The following EPS15 variants were observed in gnomAD, a reference collection of about 807,000 sequenced individuals.
EPS15 encodes the protein epidermal growth factor receptor substrate 15.
EPS15 carries 72 observed loss-of-function variants against 113.8 expected under a neutral mutation model. That is an observed-to-expected ratio of 0.63 (90% CI 0.52 to 0.77). The LOEUF (loss-of-function observed/expected upper bound fraction) is 0.77. EPS15 is among the 30% of genes least tolerant of loss of function. EPS15 has a pLI of 0.00. For synonymous variants in EPS15, 344 were observed against 363.4 expected, an observed-to-expected ratio of 0.95 and a Z score of 0.61; for missense variants, 1,048 against 1,045.8, an observed-to-expected ratio of 1.00 and a Z score of -0.03.
At chr1:51,469,116 C>T (rs150090654) in intron 4 of EPS15, among the ~76,000 whole-genome samples, 3 of 149,962 alleles carry the variant, frequency 2.0e-5, no homozygotes, top group East Asian at 3.9e-4. Context: ...GGTGACAGAG[C>T]GAGACTGTCT....
chr1:51,365,625 C>G (rs1646491334), intron 22 of EPS15, among the ~76,000 whole-genome samples: 1 of 152,144 alleles, frequency 6.6e-6, no homozygotes, highest in African/African-American at 2.4e-5. Context: ...GATTTTACAC[C>G]TATTGACCCA....
intron 24 of EPS15, among the ~76,000 whole-genome samples, chr1:51,358,366 AACACTCATAATT>A (rs1286957976): frequency 6.6e-6 from 1 of 152,210 alleles, no homozygotes; most frequent in East Asian, 1.9e-4. Context: ...ATAAAATCTT[AACACTCATAATT>A]ATTATGTTGG....
intron 1 of EPS15, among the ~76,000 whole-genome samples, chr1:51,506,812 C>CAGAATGTAGAGAACAAACTA (rs1216664656): frequency 1.4e-5 from 2 of 148,004 alleles, no homozygotes; most frequent in African/African-American, 2.5e-5. Context: ...CAGAACAGAA[C>CAGAATGTAGAGAACAAACTA]AGAATGTAGA....
At chr1:51,511,502 C>T (rs1349560991) in intron 1 of EPS15, among the ~76,000 whole-genome samples, 1 of 152,042 alleles carries the variant, frequency 6.6e-6, no homozygotes, top group African/African-American at 2.4e-5. Context: ...CTCAAAAGTA[C>T]TAAAACTTTA....
At chr1:51,459,891 A>G (rs1469572353) in intron 8 of EPS15, among the ~76,000 whole-genome samples, 1 of 152,182 alleles carries the variant, frequency 6.6e-6, no homozygotes, top group African/African-American at 2.4e-5. Flanking sequence ...AATGATTTCA[A>G]TATTAAAGAT....
At chr1:51,442,486 A>G (rs983194819) in intron 11 of EPS15, among the ~76,000 whole-genome samples, 9 of 152,144 alleles carry the variant, frequency 5.9e-5, no homozygotes, top group African/African-American at 1.4e-4. Flanking sequence ...AGAAAGTGAC[A>G]CCCCAGATAC....
chr1:51,448,198 G>T, intron 8 of EPS15, 63 bp from the exon 9 acceptor site: 1 of 926,316 alleles, frequency 1.1e-6, no homozygotes, highest in Non-Finnish European at 1.7e-6. Flanking sequence ...CCACTGAATT[G>T]ATTATTGTTC....
At chr1:51,381,597 T>A (rs1646943451) in intron 21 of EPS15, among the ~76,000 whole-genome samples, 1 of 151,824 alleles carries the variant, frequency 6.6e-6, no homozygotes, top group South Asian at 2.1e-4. Flanking sequence ...TATCTCAAAA[T>A]AAAAATAATA....
intron 8 of EPS15, among the ~76,000 whole-genome samples, chr1:51,454,356 T>C (rs752484856): frequency 6.6e-6 from 1 of 152,120 alleles, no homozygotes; most frequent in East Asian, 1.9e-4. Context: ...AAAAAGGGCA[T>C]GAGTCTATAC....
rs1415630206 is a variant in EPS15 at position 51,372,310 on chromosome 1, T to G, written c.2120-6281A>C. Reference sequence around the variant, plus strand: ...AAGGCAGTGGTCCACCTTCCGGTGCTGCTCAGTGTGGTGGATCATTTCAAC... The same window carrying G: ...AAGGCAGTGGTCCACCTTCCGGTGCGGCTCAGTGTGGTGGATCATTTCAAC... On this transcript the variant is annotated intron_variant, in intron 21 of 24. Transcript: ENST00000371733. 4 of 521,810 alleles carry G rather than the reference T, an allele frequency of 7.7e-6. No individual in the cohort carries two copies. In the East Asian group the frequency reaches 2.3e-4, roughly 29 times the overall value. The allele number at this position is 521,810 out of a possible 1,614,324, so 32.3% of individuals were successfully genotyped here. A position where few individuals can be genotyped will look rare whatever the true frequency, so the allele number is the denominator to read the frequency against.
At chr1:51,496,019 C>T (rs1253210462) in intron 1 of EPS15, among the ~76,000 whole-genome samples, 3 of 152,210 alleles carry the variant, frequency 2.0e-5, no homozygotes, top group Admixed American at 6.5e-5. Flanking sequence ...TTAAATAGCA[C>T]ATTTTAAAAT....
chr1:51,400,661 C>T (rs1383051335), intron 19 of EPS15, among the ~76,000 whole-genome samples: 1 of 135,008 alleles, frequency 7.4e-6, no homozygotes, highest in African/African-American at 2.9e-5. Context: ...CACACCACTG[C>T]ATTCCAGCCT....
At chr1:51,515,833 C>T (rs1231754428) in intron 1 of EPS15, among the ~76,000 whole-genome samples, 2 of 152,174 alleles carry the variant, frequency 1.3e-5, no homozygotes, top group African/African-American at 2.4e-5. Flanking sequence ...TGGTTCAAAT[C>T]GTAGATTCAC....
chr1:51,440,866 G>A lies in EPS15; in HGVS notation c.955-434C>T, dbSNP rs1415606193. On this transcript the variant is annotated intron_variant, in intron 11 of 24. Transcript: ENST00000371733. ...ACACACAAATTTTTGTTGAATCTCA[G>A]ACCTACAGTAGTGGTTGATTTTATT... Among the ~76,000 whole-genome samples the A allele has an allele frequency of 2.0e-5, 3 of 152,076 alleles. No individual in the cohort carries two copies. The East Asian group carries it at 5.8e-4, about 29-fold the overall frequency.
intron 20 of EPS15, among the ~76,000 whole-genome samples, chr1:51,395,069 T>A (rs921334518): frequency 2.2e-4 from 33 of 152,246 alleles, no homozygotes; most frequent in African/African-American, 7.5e-4. Context: ...AGGGTCTTGC[T>A]ATGTTTTCCT....
chr1:51,514,177 A>C (rs534018122), intron 1 of EPS15, among the ~76,000 whole-genome samples: 1 of 152,300 alleles, frequency 6.6e-6, no homozygotes, highest in South Asian at 2.1e-4. Context: ...ATTATTAAAA[A>C]CACCTAATAA....
intron 21 of EPS15, among the ~76,000 whole-genome samples, chr1:51,392,875 A>T (rs1299537374): frequency 6.6e-6 from 1 of 152,116 alleles, no homozygotes; most frequent in Non-Finnish European, 1.5e-5. Context: ...TTAACCTTTC[A>T]TTTTATTCTC....
At chr1:51,504,562 A>AT in intron 1 of EPS15, among the ~76,000 whole-genome samples, 1 of 152,348 alleles carries the variant, frequency 6.6e-6, no homozygotes, top group Admixed American at 6.5e-5. Flanking sequence ...TTACAACTCA[A>AT]TAATAAAAAG....
chr1:51,505,752 C>CT (rs1046403009), intron 1 of EPS15, among the ~76,000 whole-genome samples: 32 of 151,934 alleles, frequency 2.1e-4, no homozygotes, highest in Admixed American at 1.6e-3. Context: ...AAAAAAGTCT[C>CT]TTAATAAAAG....
Sources: gnomAD v4.1 joint callset for allele counts (sites outside exome capture counted in the v4.1 genomes callset) on GRCh38, gnomAD v4.1.1 for gene constraint, MANE v1.5 for transcripts, NCBI Gene and HGNC (gene_info 2026-07-23, HGNC 2026-07-21) for gene names.